C10orf90: variants seen among roughly 807,000 people sequenced by gnomAD.
C10orf90 encodes (E2-independent) E3 ubiquitin-conjugating enzyme FATS.
C10orf90 carries 56 observed loss-of-function variants against 62.5 expected under a neutral mutation model. The observed-to-expected ratio is 0.90, with a 90% CI of 0.72 to 1.12. The LOEUF (loss-of-function observed/expected upper bound fraction) is 1.12. Among genes scored for constraint, C10orf90 ranks in the 50% most tolerant of loss-of-function variants. The pLI is 0.00. For missense variants in C10orf90, 970 were observed against 880.4 expected (o/e 1.10, Z -1.29); for synonymous variants, 386 against 340.4 (o/e 1.13, Z -1.47).
Position 126,445,132 on chromosome 10 carries a change from C to A in C10orf90, c.2188+13908G>T, listed in dbSNP as rs1385380561. 3.3e-5 allele frequency among the ~76,000 whole-genome samples: 5 copies of A among 152,012 alleles called. No individual in the cohort carries two copies. The East Asian group carries it at 9.6e-4, about 29-fold the overall frequency. On this transcript the variant is annotated intron_variant, in intron 7 of 9. Transcript: ENST00000488181. ...GGCAAGGATTTCATGACCAAGAACC[C>A]AAAAGCAAACACAATAAAAACAAAG...
chr10:126,533,402 C>G (rs1276589456), intron 2 of C10orf90, among the ~76,000 whole-genome samples: 1 of 152,208 alleles, frequency 6.6e-6, no homozygotes, highest in Admixed American at 6.5e-5. Context: ...AGCATTCCTA[C>G]GTTCCTTGAA....
chr10:126,524,187 T>C (rs1237395460), intron 2 of C10orf90, among the ~76,000 whole-genome samples: 2 of 152,174 alleles, frequency 1.3e-5, no homozygotes, highest in Non-Finnish European at 2.9e-5. Flanking sequence ...GATAGATCTC[T>C]GGATAGATAA....
rs1448630799 is a variant in C10orf90, at chr10:126,504,888, C to G, written c.603G>C (p.Pro201=). 6.2e-7 allele frequency: 1 copy of G among 1,614,048 alleles called. No homozygotes were observed. The highest frequency in any genetic ancestry group is 8.5e-7 in the Non-Finnish European group (1 of 1,179,974). The change falls in exon 4 of 10, where the codon CCG becomes CCC. Residue 201 remains proline, a synonymous_variant. Transcript: ENST00000488181. The surrounding 1 kb of genome is among the most constrained non-coding windows in gnomAD (Gnocchi z 4.1). ...VNIHRAFALL[P]GRLGIPAPSD... is the part of the protein sequence containing the mutation. ...ACGGTGCCGGGATTCCTAATCTGCC[C>G]GGAAGTAACGCAAATGCTCTGTGAA...
chr10:126,490,009 T>TAAC, intron 4 of C10orf90, among the ~76,000 whole-genome samples: 1 of 80,456 alleles, frequency 1.2e-5, no homozygotes, highest in South Asian at 4.1e-4. Flanking sequence ...ATATATTATA[T>TAAC]ATATTATATA....
At chr10:126,590,570 C>A (rs754986189) in intron 2 of C10orf90, among the ~76,000 whole-genome samples, 1 of 152,154 alleles carries the variant, frequency 6.6e-6, no homozygotes, top group Non-Finnish European at 1.5e-5. Context: ...AATTCAATAG[C>A]GTGCTCCTGA....
chr10:126,602,758 C>CTT lies in C10orf90; in HGVS notation c.313+43805_313+43806dup, dbSNP rs150624987. 6.4e-3 allele frequency among the ~76,000 whole-genome samples: 838 copies of CTT among 130,688 alleles called. 8 individuals carry two copies. The highest frequency in any genetic ancestry group is 0.022 in the African/African-American group (802 of 36,684). 85.7% of individuals were successfully genotyped at this position (130,688 alleles called of 152,430 possible). On this transcript the variant is annotated intron_variant, in intron 2 of 9. Coordinates refer to ENST00000488181, the MANE Select transcript of C10orf90 (RefSeq NM_001350921.2). ...ATAGTGTCATTGGCAGGGTTTTGGGCTTTTTTTTTTTTTTTTGGTCTTTCT... is the reference window on the plus strand; with the variant it reads ...ATAGTGTCATTGGCAGGGTTTTGGGCTTTTTTTTTTTTTTTTTTGGTCTTTCT...
chr10:126,533,018 C>T (rs939620689), intron 2 of C10orf90, among the ~76,000 whole-genome samples: 9 of 150,680 alleles, frequency 6.0e-5, no homozygotes, highest in Admixed American at 5.3e-4. Context: ...CTGCAAGCTC[C>T]ACCTCCCGGG....
intron 2 of C10orf90, among the ~76,000 whole-genome samples, chr10:126,548,833 A>C (rs1271838597): frequency 6.6e-6 from 1 of 151,066 alleles, no homozygotes; most frequent in Non-Finnish European, 1.5e-5. Context: ...CCCAAATATT[A>C]ATAGAATAGA....
chr10:126,646,005 T>C (rs969339139), intron 2 of C10orf90, among the ~76,000 whole-genome samples: 3 of 152,210 alleles, frequency 2.0e-5, no homozygotes, highest in Admixed American at 6.5e-5. Context: ...CTTATTACAG[T>C]TCCATCAGAA....
intron 1 of C10orf90, among the ~76,000 whole-genome samples, chr10:126,661,972 C>T (rs1846524201): frequency 2.0e-5 from 3 of 151,802 alleles, no homozygotes; most frequent in South Asian, 2.1e-4. Context: ...TTTTTACTAA[C>T]CAGTATTATC....
intron 2 of C10orf90, among the ~76,000 whole-genome samples, chr10:126,521,741 T>C (rs1863753970): frequency 6.6e-6 from 1 of 152,194 alleles, no homozygotes; most frequent in Non-Finnish European, 1.5e-5. Context: ...ATGTAGAAAA[T>C]TGAGCAATAT....
intron 7 of C10orf90, among the ~76,000 whole-genome samples, chr10:126,443,424 G>C (rs1292314143): frequency 2.0e-5 from 3 of 152,050 alleles, no homozygotes; most frequent in African/African-American, 7.2e-5. Context: ...AGAAGAGATG[G>C]ATAAATTCCT....
intron 2 of C10orf90, among the ~76,000 whole-genome samples, chr10:126,545,366 T>C (rs1864467024): frequency 6.6e-6 from 1 of 152,236 alleles, no homozygotes. Flanking sequence ...AATTAATTCC[T>C]TGTTCTTCCC....
At chr10:126,670,142 A>AT (rs1350018700) in intron 1 of C10orf90, 99 bp downstream of exon 1, 10 of 378,354 alleles carry the variant, frequency 2.6e-5, no homozygotes, top group South Asian at 1.6e-4. Context: ...TGATTAATTT[A>AT]TTAGACCAGA....
At chr10:126,526,748 C>G (rs555396795) in intron 2 of C10orf90, among the ~76,000 whole-genome samples, 1 of 152,298 alleles carries the variant, frequency 6.6e-6, no homozygotes, top group South Asian at 2.1e-4. Flanking sequence ...CAGCCCCTGG[C>G]AACCACTCAA....
chr10:126,647,265 G>A (rs568805431), intron 1 of C10orf90, among the ~76,000 whole-genome samples: 58 of 152,136 alleles, frequency 3.8e-4, no homozygotes, highest in Non-Finnish European at 7.2e-4. Flanking sequence ...TTTGCCTGTC[G>A]TCCCTTGGAG....
intron 3 of C10orf90, among the ~76,000 whole-genome samples, chr10:126,511,654 A>C (rs1409925251): frequency 6.6e-6 from 1 of 152,102 alleles, no homozygotes; most frequent in East Asian, 1.9e-4. Flanking sequence ...TACAAATTAC[A>C]AATAATTTAA....
intron 1 of C10orf90, among the ~76,000 whole-genome samples, chr10:126,649,547 C>T (rs917068278): frequency 6.6e-6 from 1 of 152,188 alleles, no homozygotes; most frequent in African/African-American, 2.4e-5. Context: ...CCTTCTGGAG[C>T]TTGGCTCATA....
intron 7 of C10orf90, among the ~76,000 whole-genome samples, chr10:126,458,172 C>G (rs1859708834): frequency 6.6e-6 from 1 of 152,174 alleles, no homozygotes; most frequent in African/African-American, 2.4e-5. Context: ...AGAATAAGAT[C>G]TTGGTAATGT....
Sources: gnomAD v4.1 joint callset for allele counts (sites outside exome capture counted in the v4.1 genomes callset) on GRCh38, gnomAD v4.1.1 for gene constraint, Gnocchi (gnomAD v3.1) non-coding constraint, MANE v1.5 for transcripts, NCBI Gene and HGNC (gene_info 2026-07-23, HGNC 2026-07-21) for gene names.